Variants in PTPRD observed in about 807,000 individuals in gnomAD.
The protein encoded by PTPRD is protein tyrosine phosphatase receptor type D.
A neutral mutation model predicts 214.5 loss-of-function variants in PTPRD; 34 were observed. The ratio of observed to expected loss-of-function variants is 0.16; its 90% CI spans 0.12 to 0.21. The LOEUF is 0.21. Ranked by LOEUF, PTPRD falls within the 10% of genes least tolerant of loss-of-function variation. The pLI, the probability that PTPRD is intolerant of heterozygous loss-of-function variation, is 1.00. For synonymous variants in PTPRD, 1,128 were observed against 845.7 expected (o/e 1.33, Z -5.79); for missense variants, 2,545 against 2,398.7 (o/e 1.06, Z -1.27).
At chr9:10,120,848 A>T (rs2098769063) in intron 3 of PTPRD, among the ~76,000 whole-genome samples, 1 of 152,114 alleles carries the variant, frequency 6.6e-6, no homozygotes, top group South Asian at 2.1e-4. Context: ...TATCAATCTC[A>T]CCTAGCATTC....
At chr9:10,359,769 T>C (rs890273784) in intron 2 of PTPRD, among the ~76,000 whole-genome samples, 1 of 152,186 alleles carries the variant, frequency 6.6e-6, no homozygotes, top group African/African-American at 2.4e-5. Context: ...CTTAACAATT[T>C]TAGTGTACAC....
At chr9:9,965,737 C>T (rs2094643809) in intron 4 of PTPRD, among the ~76,000 whole-genome samples, 1 of 152,158 alleles carries the variant, frequency 6.6e-6, no homozygotes, top group Non-Finnish European at 1.5e-5. Flanking sequence ...TAAGCCCCTC[C>T]ACTCTTCAGA....
chr9:9,978,745 A>G (rs1343693023), intron 4 of PTPRD, among the ~76,000 whole-genome samples: 1 of 110,464 alleles, frequency 9.1e-6, no homozygotes, highest in Non-Finnish European at 1.9e-5. Flanking sequence ...AAGAAGCTCG[A>G]AAAACCAATA....
rs1003521839 is a variant in PTPRD at position 8,599,373 on chromosome 9, C to A, written c.352+33944G>T. 3.4e-4 allele frequency among the ~76,000 whole-genome samples: 51 copies of A among 152,148 alleles called. 1 individual carries two copies. Among genetic ancestry groups the A allele is most frequent in the African/African-American group, 1.2e-3 (50 of 41,504 alleles). On this transcript the variant is annotated intron_variant, in intron 14 of 45. Coordinates refer to ENST00000381196, the MANE Select transcript of PTPRD (RefSeq NM_002839.4). ...TCTGTCTATATCACCCTGAATGCAC[C>A]CCATCTCTTCTGAAAAGTAAAAACA...
At chr9:10,502,624 C>G (rs181776215) in intron 2 of PTPRD, among the ~76,000 whole-genome samples, 2 of 152,126 alleles carry the variant, frequency 1.3e-5, no homozygotes, top group East Asian at 3.9e-4. Flanking sequence ...TTCAAAGACC[C>G]CATTGCCTAA....
At chr9:8,756,992 A>C (rs2094037552) in intron 11 of PTPRD, among the ~76,000 whole-genome samples, 1 of 151,998 alleles carries the variant, frequency 6.6e-6, no homozygotes, top group Non-Finnish European at 1.5e-5. Flanking sequence ...AATACAAAAA[A>C]TTAGCGGGGT....
chr9:9,183,168 C>T (rs2099929238), intron 10 of PTPRD, 136 bp downstream of exon 10: 1 of 151,804 alleles, frequency 6.6e-6, no homozygotes, highest in South Asian at 2.1e-4. Flanking sequence ...ATTAGGTAAA[C>T]AGAGTAAAAT....
chr9:8,586,558 C>T (rs2154259306), intron 14 of PTPRD, among the ~76,000 whole-genome samples: 1 of 152,200 alleles, frequency 6.6e-6, no homozygotes, highest in Admixed American at 6.5e-5. Context: ...TTAAATCATT[C>T]CATTTTAAAT....
At chr9:8,442,888 C>T (rs532292718) in intron 34 of PTPRD, among the ~76,000 whole-genome samples, 24 of 151,878 alleles carry the variant, frequency 1.6e-4, no homozygotes, top group African/African-American at 5.6e-4. Flanking sequence ...TCTGGGTAAG[C>T]AATGAATGGC....
At chr9:9,424,534 G>A (rs767862385) in intron 8 of PTPRD, among the ~76,000 whole-genome samples, 53 of 152,234 alleles carry the variant, frequency 3.5e-4, no homozygotes, top group African/African-American at 1.2e-3. Context: ...AGGTTTTTGA[G>A]AATTTAGGGA....
At chr9:10,145,392 A>C (rs2099015346) in intron 3 of PTPRD, among the ~76,000 whole-genome samples, 8 of 152,122 alleles carry the variant, frequency 5.3e-5, no homozygotes, top group Admixed American at 5.3e-4. Flanking sequence ...TCCTCAGCCT[A>C]AACAATGTGA....
intron 5 of PTPRD, among the ~76,000 whole-genome samples, chr9:9,780,106 T>C (rs2098831285): frequency 6.6e-6 from 1 of 152,306 alleles, no homozygotes; most frequent in East Asian, 1.9e-4. Context: ...TCACATTCTT[T>C]GGAGCAGTAT....
intron 11 of PTPRD, among the ~76,000 whole-genome samples, chr9:8,802,747 G>A (rs1227068382): frequency 6.6e-6 from 1 of 152,110 alleles, no homozygotes; most frequent in Non-Finnish European, 1.5e-5. Flanking sequence ...TCTTCCAATT[G>A]CCTCATCTTT....
chr9:8,341,758 A>T lies in PTPRD; in HGVS notation c.4882T>A (p.Tyr1628Asn). The change falls in exon 40 of 46, where the codon TAC (tyrosine) becomes AAC (asparagine). Residue 1628 changes from tyrosine to asparagine, a missense_variant. Transcript: ENST00000381196. ...TEVPARNLYA[Y>N]IQKLTQIETG... ...TCTATTTGTGTCAGCTTCTGAATGT[A>T]GGCATACAAGTTTCTAGCTGGCACT... The T allele has an allele frequency of 6.2e-7, 1 of 1,613,602 alleles. No homozygotes were observed. The highest frequency in any genetic ancestry group is 8.5e-7 in the Non-Finnish European group (1 of 1,179,724).
At chr9:10,028,473 A>G (rs1248987665) in intron 4 of PTPRD, among the ~76,000 whole-genome samples, 4 of 152,156 alleles carry the variant, frequency 2.6e-5, no homozygotes, top group African/African-American at 9.7e-5. Flanking sequence ...AATGTAGGAA[A>G]GTTTGGAACT....
At chr9:8,494,526 A>G (rs2097217848) in intron 26 of PTPRD, among the ~76,000 whole-genome samples, 1 of 152,200 alleles carries the variant, frequency 6.6e-6, no homozygotes, top group Non-Finnish European at 1.5e-5. Flanking sequence ...AAATGCCAAC[A>G]TTATGGTTTC....
intron 9 of PTPRD, among the ~76,000 whole-genome samples, chr9:9,357,569 A>G (rs556703550): frequency 6.6e-6 from 1 of 151,344 alleles, no homozygotes; most frequent in South Asian, 2.1e-4. Flanking sequence ...ATGATTTTAA[A>G]AGACCATATA....
chr9:9,475,496 A>G (rs1177366536), intron 8 of PTPRD, among the ~76,000 whole-genome samples: 1 of 152,208 alleles, frequency 6.6e-6, no homozygotes, highest in Non-Finnish European at 1.5e-5. Context: ...ATCAGCTCAT[A>G]AATCCATGAT....
intron 3 of PTPRD, among the ~76,000 whole-genome samples, chr9:10,133,251 C>T (rs2154260059): frequency 6.6e-6 from 1 of 152,166 alleles, no homozygotes; most frequent in Admixed American, 6.6e-5. Flanking sequence ...TGAAACAGCA[C>T]TCACAGATAC....
Sources: allele counts gnomAD v4.1 joint callset (sites outside exome capture counted in the v4.1 genomes callset), GRCh38; gene constraint gnomAD v4.1.1; transcripts MANE v1.5; gene names NCBI Gene and HGNC (gene_info 2026-07-23, HGNC 2026-07-21).